The following VPS4A variants were observed in gnomAD, a reference collection of about 807,000 sequenced individuals.
The protein encoded by VPS4A is vacuolar protein sorting 4 homolog A.
A neutral mutation model predicts 52.3 loss-of-function variants in VPS4A; 20 were observed. The ratio of observed to expected loss-of-function variants is 0.38; its 90% CI spans 0.27 to 0.56. The LOEUF (loss-of-function observed/expected upper bound fraction) is 0.56. Ranked by LOEUF, VPS4A falls within the 20% of genes least tolerant of loss-of-function variation. The pLI is 0.72. For missense variants in VPS4A, 419 were observed against 575.9 expected (o/e 0.73, Z 2.79); for synonymous variants, 293 against 227.7 (o/e 1.29, Z -2.58).
chr16:69,318,664 G>A lies in VPS4A; in HGVS notation c.296G>A (p.Ser99Asn), dbSNP rs1389707025. The A allele has an allele frequency of 1.2e-6, 2 of 1,611,728 alleles. No homozygotes were observed. Among genetic ancestry groups the A allele is most frequent in the Non-Finnish European group, 1.7e-6 (2 of 1,178,746 alleles). The stretch of plus-strand genomic sequence containing the variant: ...TCCCTTCCCAGCAGTGACAGTGACA[G>A]TGAAGGGGATAATCCGGAGAAAAAG... ...QSEGKGSDSD[S>N]EGDNPEKKKL... Residue 99 changes from serine to asparagine, a missense_variant, in exon 4 of 11, where the codon AGT becomes AAT. By Grantham distance (46) the Ser-to-Asn change is conservative. Coordinates refer to ENST00000254950, the MANE Select transcript of VPS4A (RefSeq NM_013245.3).
rs1290527989 is a variant in VPS4A at position 69,320,500 on chromosome 16, T to C, written c.770-188T>C. 1 of 811,184 alleles carries C rather than the reference T, an allele frequency of 1.2e-6. No individual in the cohort carries two copies. Among genetic ancestry groups the C allele is most frequent in the African/African-American group, 1.7e-5 (1 of 57,524 alleles). The allele number at this position is 811,184 out of a possible 1,614,324, so 50.2% of individuals were successfully genotyped here. A position where few individuals can be genotyped will look rare whatever the true frequency, so the allele number is the denominator to read the frequency against. On this transcript the variant is annotated intron_variant, in intron 7 of 10. Coordinates refer to ENST00000254950, the MANE Select transcript of VPS4A (RefSeq NM_013245.3). The surrounding 1 kb of genome is among the most constrained non-coding windows in gnomAD (Gnocchi z 4.2). ...ACTCCACCCCTCCCATGGCAGGCAG[T>C]GCCATAGGTCTCACCTGGCACAGCC...
chr16:69,313,931 G>C (rs1373404278), intron 1 of VPS4A, among the ~76,000 whole-genome samples: 1 of 151,106 alleles, frequency 6.6e-6, no homozygotes, highest in African/African-American at 2.4e-5. Flanking sequence ...ATTGAAACTT[G>C]GACCCCCTGT....
Position 69,319,462 on chromosome 16 carries a change from T to C in VPS4A, c.539T>C (p.Val180Ala). Reference sequence around the variant, plus strand: ...GGGAAATCCTACCTGGCCAAAGCCGTGGCAACAGAGGCCAACAACTCCACC... The same window carrying C: ...GGGAAATCCTACCTGGCCAAAGCCGCGGCAACAGAGGCCAACAACTCCACC... ...GTGKSYLAKA[V>A]ATEANNSTFF... The change falls in exon 6 of 11, where the codon GTG (valine) becomes GCG (alanine). Residue 180 changes from valine (V) to alanine (A), a missense_variant. Val to Ala is a moderately conservative substitution (Grantham distance 64). Transcript: ENST00000254950. 6.2e-7 allele frequency: 1 copy of C among 1,614,028 alleles called. No individual in the cohort carries two copies.
At chr16:69,323,944 C>A (rs28649923) in intron 10 of VPS4A, among the ~76,000 whole-genome samples, 42,660 of 98,240 alleles carry the variant, frequency 0.43, 7,196 homozygotes, top group African/African-American at 0.49. Context: ...ACTCCGTCTC[C>A]AAAAAAAAAA....
At position 69,321,376 on chromosome 16, in the gene VPS4A, C is replaced by G. The variant is rs566852404; in HGVS notation, c.1071+106C>G. On this transcript the variant is annotated intron_variant, in intron 9 of 10. Transcript: ENST00000254950. The surrounding 1 kb of genome is among the most constrained non-coding windows in gnomAD (Gnocchi z 4.5). ...CTGCTCCCCGGCTGCTCAGGTGACA[C>G]AGTCTCTGAGGCCTCCTGGAGAGCC... The G allele has an allele frequency of 7.7e-7, 1 of 1,300,364 alleles. No individual in the cohort carries two copies. The highest frequency in any genetic ancestry group is 1.1e-6 in the Non-Finnish European group (1 of 947,508). 80.6% of individuals were successfully genotyped at this position (1,300,364 alleles called of 1,614,324 possible).
intron 10 of VPS4A, 121 bp from the exon 11 acceptor site, chr16:69,324,087 C>A: frequency 2.2e-6 from 2 of 901,940 alleles, no homozygotes; most frequent in Non-Finnish European, 3.4e-6. Flanking sequence ...TTCAAGCAGG[C>A]CTCTGGGGTG....
At chr16:69,312,496 C>T (rs1020962750) in intron 1 of VPS4A, among the ~76,000 whole-genome samples, 3 of 152,142 alleles carry the variant, frequency 2.0e-5, no homozygotes, top group Non-Finnish European at 4.4e-5. Context: ...TAGCCAGATC[C>T]CACCGTACCA....
Position 69,311,485 on chromosome 16 carries a change from G to T in VPS4A, c.-27G>T, listed in dbSNP as rs762179100. Reference sequence around the variant, plus strand: ...GACCGAGGCCGCAAGCAGCGCCGCGGGGTGTGGGGCGGACCCAGGAGATGA... The same window carrying T: ...GACCGAGGCCGCAAGCAGCGCCGCGTGGTGTGGGGCGGACCCAGGAGATGA... On this transcript the variant is annotated 5_prime_UTR_variant, in exon 1 of 11. Transcript: ENST00000254950. 1.5e-6 allele frequency: 2 copies of T among 1,325,782 alleles called. No homozygotes were observed. The highest frequency in any genetic ancestry group is 1.5e-5 in the African/African-American group (1 of 66,036). 82.1% of individuals were successfully genotyped at this position (1,325,782 alleles called of 1,614,324 possible).
chr16:69,326,901 T>G lies in VPS4A; in HGVS notation c.*2592T>G, dbSNP rs915440273. On this transcript the variant is annotated 3_prime_UTR_variant, in exon 11 of 11. Transcript: ENST00000254950. ...TGCTTCCTGCTCAAAGTGGGAGAGA[T>G]TTTACTGGAAATGCAATAAAGTTTG... 6.6e-6 allele frequency: 1 copy of G among 152,090 alleles called. No individual in the cohort carries two copies. Among genetic ancestry groups the G allele is most frequent in the East Asian group, 1.9e-4 (1 of 5,196 alleles). 9.4% of individuals were successfully genotyped at this position (152,090 alleles called of 1,614,324 possible).
Position 69,320,004 on chromosome 16 carries a change from C to T in VPS4A, c.621-137C>T, listed in dbSNP as rs373328474. 22 of 1,233,596 alleles carry T rather than the reference C, an allele frequency of 1.8e-5. No individual in the cohort carries two copies. Among genetic ancestry groups the T allele is most frequent in the South Asian group, 1.4e-4 (9 of 65,532 alleles). The allele number at this position is 1,233,596 out of a possible 1,614,324, so 76.4% of individuals were successfully genotyped here. A position where few individuals can be genotyped will look rare whatever the true frequency, so the allele number is the denominator to read the frequency against. ...TGCAGTGTGGCCCGAGGGCTCCTCACCACCACGTTTTCCGCAATTCCGGCA... is the reference window on the plus strand; with the variant it reads ...TGCAGTGTGGCCCGAGGGCTCCTCATCACCACGTTTTCCGCAATTCCGGCA... On this transcript the variant is annotated intron_variant, in intron 6 of 10. Coordinates refer to ENST00000254950, the MANE Select transcript of VPS4A (RefSeq NM_013245.3). The surrounding 1 kb of genome is among the most constrained non-coding windows in gnomAD (Gnocchi z 4.2).
At position 69,324,533 on chromosome 16, in the gene VPS4A, T is replaced by G; in HGVS notation, c.*224T>G. The G allele has an allele frequency of 1.8e-6, 1 of 548,952 alleles. No homozygotes were observed. The highest frequency in any genetic ancestry group is 3.0e-5 in the East Asian group (1 of 33,006). The allele number at this position is 548,952 out of a possible 1,614,324, so 34.0% of individuals were successfully genotyped here. A position where few individuals can be genotyped will look rare whatever the true frequency, so the allele number is the denominator to read the frequency against. ...AGTGGACACTGCTCTTCCTACTTCCTCCTCTCCTGGATGCTCATCAGCTCC... is the reference window on the plus strand; with the variant it reads ...AGTGGACACTGCTCTTCCTACTTCCGCCTCTCCTGGATGCTCATCAGCTCC... On this transcript the variant is annotated 3_prime_UTR_variant, in exon 11 of 11. Coordinates refer to ENST00000254950, the MANE Select transcript of VPS4A (RefSeq NM_013245.3).
intron 5 of VPS4A, 131 bp downstream of exon 5, chr16:69,319,073 C>A: frequency 7.5e-7 from 1 of 1,333,178 alleles, no homozygotes; most frequent in Non-Finnish European, 1.0e-6. Flanking sequence ...TGGCTGCTCG[C>A]TGGTGTCCAC....
At position 69,311,475 on chromosome 16, in the gene VPS4A, C is replaced by T; in HGVS notation, c.-37C>T. On this transcript the variant is annotated 5_prime_UTR_variant, in exon 1 of 11. Coordinates refer to ENST00000254950, the MANE Select transcript of VPS4A (RefSeq NM_013245.3). ...CCCGGGGCCGGACCGAGGCCGCAAG[C>T]AGCGCCGCGGGGTGTGGGGCGGACC... The T allele has an allele frequency of 3.1e-6, 4 of 1,300,962 alleles. No individual in the cohort carries two copies. Among genetic ancestry groups the T allele is most frequent in the Admixed American group, 3.3e-5 (1 of 30,286 alleles). The allele number at this position is 1,300,962 out of a possible 1,614,324, so 80.6% of individuals were successfully genotyped here. A position where few individuals can be genotyped will look rare whatever the true frequency, so the allele number is the denominator to read the frequency against.
intron 1 of VPS4A, among the ~76,000 whole-genome samples, chr16:69,312,987 A>AC (rs1335950326): frequency 2.8e-5 from 4 of 142,668 alleles, no homozygotes; most frequent in African/African-American, 1.0e-4. Flanking sequence ...GTTTTTATTA[A>AC]TTTTTTTTTT....
chr16:69,311,807 G>C (rs901071111), intron 1 of VPS4A, among the ~76,000 whole-genome samples: 2 of 152,236 alleles, frequency 1.3e-5, no homozygotes, highest in African/African-American at 4.8e-5. Context: ...GTGGGGATCA[G>C]CCTCACCCGA....
At chr16:69,312,640 TCTCA>T (rs370611773) in intron 1 of VPS4A, among the ~76,000 whole-genome samples, 4 of 152,062 alleles carry the variant, frequency 2.6e-5, no homozygotes, top group African/African-American at 9.7e-5. Context: ...TGAGATGGAG[TCTCA>T]CTCTGTCACC....
At position 69,321,526 on chromosome 16, in the gene VPS4A, C is replaced by G; in HGVS notation, c.1071+256C>G. The G allele has an allele frequency of 1.9e-6, 1 of 527,280 alleles. No homozygotes were observed. Among genetic ancestry groups the G allele is most frequent in the Non-Finnish European group, 3.4e-6 (1 of 291,260 alleles). The allele number at this position is 527,280 out of a possible 1,614,324, so 32.7% of individuals were successfully genotyped here. A position where few individuals can be genotyped will look rare whatever the true frequency, so the allele number is the denominator to read the frequency against. Reference sequence around the variant, plus strand: ...TTTACTGTCTTAACCCTGCTGCGGCCTCCTCCGTCAGCACTGTGTGCTCTT... The same window carrying G: ...TTTACTGTCTTAACCCTGCTGCGGCGTCCTCCGTCAGCACTGTGTGCTCTT... On this transcript the variant is annotated intron_variant, in intron 9 of 10. Coordinates refer to ENST00000254950, the MANE Select transcript of VPS4A (RefSeq NM_013245.3). This position sits in a 1 kb window ranked among gnomAD's most constrained non-coding sequence, Gnocchi z 4.5.
intron 9 of VPS4A, 145 bp from the exon 10 acceptor site, chr16:69,322,415 C>T: frequency 2.3e-6 from 2 of 851,168 alleles, no homozygotes; most frequent in Non-Finnish European, 3.4e-6. Flanking sequence ...CTCGGACCAC[C>T]CAGCCCGAGT....
intron 10 of VPS4A, chr16:69,323,544 A>T (rs904231984): frequency 2.3e-6 from 1 of 427,016 alleles, no homozygotes; most frequent in African/African-American, 2.0e-5. Context: ...TGAGGCAGTG[A>T]ATGTGTCAAG....
Sources: gnomAD v4.1 joint callset for allele counts (sites outside exome capture counted in the v4.1 genomes callset) on GRCh38, gnomAD v4.1.1 for gene constraint, Gnocchi (gnomAD v3.1) non-coding constraint, MANE v1.5 for transcripts, NCBI Gene and HGNC (gene_info 2026-07-23, HGNC 2026-07-21) for gene names.